Variants in LNPEP observed in about 807,000 individuals in gnomAD.
LNPEP encodes leucyl and cystinyl aminopeptidase, also known as leucyl-cystinyl aminopeptidase.
LNPEP carries 64 observed loss-of-function variants against 120.6 expected under a neutral mutation model. The ratio of observed to expected loss-of-function variants is 0.53; its 90% CI spans 0.43 to 0.65. The LOEUF is 0.65. Among genes scored for constraint, LNPEP ranks in the 30% least tolerant of loss-of-function variants. The probability of loss-of-function intolerance (pLI) is 0.00; values close to 1 mark genes in which losing one functional copy is unlikely to be tolerated. For synonymous variants in LNPEP, 435 were observed against 425.4 expected, an observed-to-expected ratio of 1.02 and a Z score of -0.28; for missense variants, 1,057 against 1,200.0, an observed-to-expected ratio of 0.88 and a Z score of 1.76.
chr5:97,009,105 C>T (rs780873453), intron 11 of LNPEP, among the ~76,000 whole-genome samples: 47 of 152,180 alleles, frequency 3.1e-4, no homozygotes, highest in Non-Finnish European at 6.5e-4. Flanking sequence ...ATCAGCAACT[C>T]AAACATGCCA....
chr5:97,022,340 A>T lies in LNPEP; in HGVS notation c.2417A>T (p.Gln806Leu), dbSNP rs755698265. 1.9e-6 allele frequency: 3 copies of T among 1,612,414 alleles called. No individual in the cohort carries two copies. In the Admixed American group the frequency reaches 5.0e-5, roughly 27 times the overall value. Residue 806 changes from glutamine (Q) to leucine (L), a missense_variant, in exon 14 of 18, where the codon CAA becomes CTA. Gln to Leu is a moderately radical substitution (Grantham distance 113). Transcript: ENST00000231368. Reference sequence around the variant, plus strand: ...TTACTTCAAAACCAAATTCAACAACAAACTTGGACTGATGAGGGCACTCCA... The same window carrying T: ...TTACTTCAAAACCAAATTCAACAACTAACTTGGACTGATGAGGGCACTCCA... ...FKLLQNQIQQ[Q>L]TWTDEGTPSM...
At chr5:96,966,511 TGTGTGTGTG>T (rs1561434380) in intron 1 of LNPEP, among the ~76,000 whole-genome samples, 175 of 13,244 alleles carry the variant, frequency 0.013, no homozygotes, top group African/African-American at 0.022. Flanking sequence ...CATATATTTG[TGTGTGTGTG>T]TGTGTGTGTG....
In LNPEP at chr5:97,013,836, A is replaced by C. The variant is rs764759385; in HGVS notation, c.2219+5A>C. ...CAACATCTTTGAACTTGCAGGGTAG[A>C]GTATACTTAGTTTGAGATTTTTTCT... is the stretch of plus-strand genomic sequence containing the variant. On this transcript the variant is annotated splice_donor_5th_base_variant and intron_variant, in intron 12 of 17. Transcript: ENST00000231368. 3 of 1,566,748 alleles carry C rather than the reference A, an allele frequency of 1.9e-6. No homozygotes were observed. Among genetic ancestry groups the C allele is most frequent in the East Asian group, 4.5e-5 (2 of 44,340 alleles).
At chr5:96,957,952 T>C (rs1184476160) in intron 1 of LNPEP, among the ~76,000 whole-genome samples, 1 of 152,260 alleles carries the variant, frequency 6.6e-6, no homozygotes, top group Non-Finnish European at 1.5e-5. Flanking sequence ...GGATCCTCTT[T>C]TCTGATTCTC....
Position 96,997,995 on chromosome 5 carries a change from T to C in LNPEP, c.1522-19T>C. Reference sequence around the variant, plus strand: ...TTTGATACTACTTGTGATATTCTAATCTTTTCATTTTTTGACAGTATGAAG... The same window carrying C: ...TTTGATACTACTTGTGATATTCTAACCTTTTCATTTTTTGACAGTATGAAG... On this transcript the variant is annotated intron_variant, in intron 7 of 17. Transcript: ENST00000231368. 6.6e-7 allele frequency: 1 copy of C among 1,511,474 alleles called. No homozygotes were observed. Among genetic ancestry groups the C allele is most frequent in the Non-Finnish European group, 9.0e-7 (1 of 1,107,844 alleles). 93.6% of individuals were successfully genotyped at this position (1,511,474 alleles called of 1,614,324 possible).
chr5:97,012,556 C>T lies in LNPEP; in HGVS notation c.2036-1092C>T, dbSNP rs552120981. Among the ~76,000 whole-genome samples the T allele has an allele frequency of 3.3e-5, 5 of 152,150 alleles. No individual in the cohort carries two copies. The East Asian group carries it at 9.6e-4, about 29-fold the overall frequency. On this transcript the variant is annotated intron_variant, in intron 11 of 17. Coordinates refer to ENST00000231368, the MANE Select transcript of LNPEP (RefSeq NM_005575.3). ...TAGGTCATTGTTATAGGGGCTGAGG[C>T]GTTAGCAGTAAGCAAAATAGTAAGC...
chr5:96,986,059 T>A (rs895380439), intron 3 of LNPEP, among the ~76,000 whole-genome samples: 7 of 152,186 alleles, frequency 4.6e-5, no homozygotes, highest in Non-Finnish European at 1.0e-4. Context: ...CAGACTTCTC[T>A]AATGACTTAC....
intron 1 of LNPEP, among the ~76,000 whole-genome samples, chr5:96,939,091 G>T (rs1358432040): frequency 6.6e-6 from 1 of 151,942 alleles, no homozygotes; most frequent in Non-Finnish European, 1.5e-5. Flanking sequence ...TTGCATGCAG[G>T]GTTGGTATAT....
chr5:97,019,487 T>C (rs1791139761), intron 13 of LNPEP, among the ~76,000 whole-genome samples: 1 of 152,216 alleles, frequency 6.6e-6, no homozygotes, highest in African/African-American at 2.4e-5. Flanking sequence ...TTTACTTTAT[T>C]ATGTTATAAT....
At position 96,958,255 on chromosome 5, in the gene LNPEP, A is replaced by G. The variant is rs551735286; in HGVS notation, c.20-20883A>G. ...GAGTGCAAAATTTGTCTAGACTTTC[A>G]ATTTTTTTCCCCAGTCTTTTAGAGT... On this transcript the variant is annotated intron_variant, in intron 1 of 17. Transcript: ENST00000231368. Among the ~76,000 whole-genome samples the G allele has an allele frequency of 3.3e-4, 50 of 152,304 alleles. No homozygotes were observed. The South Asian group carries it at 5.0e-3, about 15-fold the overall frequency.
Position 96,944,560 on chromosome 5 carries a change from C to CTTTTT in LNPEP, c.19+8408_19+8412dup, listed in dbSNP as rs60017687. On this transcript the variant is annotated intron_variant, in intron 1 of 17. Coordinates refer to ENST00000231368, the MANE Select transcript of LNPEP (RefSeq NM_005575.3). The stretch of plus-strand genomic sequence containing the variant: ...TTCTTTTTTGTTTTTCTTATTTTTG[C>CTTTTT]TTTTTTTTTTTTTTTTTTTTTTTTT... Among the ~76,000 whole-genome samples the CTTTTT allele has an allele frequency of 6.6e-4, 37 of 56,356 alleles. 5 individuals are homozygous for CTTTTT. The highest frequency in any genetic ancestry group is 3.6e-3 in the South Asian group (5 of 1,402). The allele number at this position is 56,356 out of a possible 152,430, so 37.0% of individuals were successfully genotyped here.
At chr5:97,026,502 T>C in intron 15 of LNPEP, 115 bp from the exon 16 acceptor site, 1 of 759,746 alleles carries the variant, frequency 1.3e-6, no homozygotes, top group Non-Finnish European at 2.1e-6. Context: ...GCAACAGTTA[T>C]TTCTCAATTT....
intron 1 of LNPEP, among the ~76,000 whole-genome samples, chr5:96,939,810 A>T (rs1312299428): frequency 1.3e-5 from 2 of 151,912 alleles, no homozygotes; most frequent in African/African-American, 4.9e-5. Context: ...ATACAGTATA[A>T]AATTGTGATT....
rs1468936436 is a variant in LNPEP, at chr5:97,030,004, T to C, written c.*1471T>C. The C allele has an allele frequency of 2.6e-5, 4 of 152,156 alleles. No homozygotes were observed. Among genetic ancestry groups the C allele is most frequent in the Non-Finnish European group, 5.9e-5 (4 of 68,012 alleles). The allele number at this position is 152,156 out of a possible 1,614,324, so 9.4% of individuals were successfully genotyped here. ...TGTACATAAAAAGGGTATTTACCCA[T>C]TTGTGAGCACTTAAAACACTCCACA... is the stretch of plus-strand genomic sequence containing the variant. On this transcript the variant is annotated 3_prime_UTR_variant, in exon 18 of 18. Transcript: ENST00000231368.
chr5:96,979,023 A>G (rs1419816389), intron 1 of LNPEP, 115 bp from the exon 2 acceptor site: 14 of 1,157,238 alleles, frequency 1.2e-5, no homozygotes, highest in Non-Finnish European at 1.6e-5. Flanking sequence ...AATAAGTCTT[A>G]GTGACTTAAA....
chr5:97,028,368 C>A, intron 17 of LNPEP, 34 bp from the exon 18 acceptor site: 1 of 1,609,568 alleles, frequency 6.2e-7, no homozygotes, highest in African/African-American at 1.3e-5. Flanking sequence ...TCGTCCTTTT[C>A]TTCTTTTGAA....
rs1045347352 is a variant in LNPEP at position 97,034,363 on chromosome 5, C to T, written c.*5830C>T. The T allele has an allele frequency of 6.6e-6, 1 of 151,698 alleles. No homozygotes were observed. The highest frequency in any genetic ancestry group is 2.4e-5 in the African/African-American group (1 of 41,284). The allele number at this position is 151,698 out of a possible 1,614,324, so 9.4% of individuals were successfully genotyped here. On this transcript the variant is annotated 3_prime_UTR_variant, in exon 18 of 18. Transcript: ENST00000231368. ...CCCCTTCCCTTATTGCCTGTCTTGG[C>T]AATGGCCAGTAGAGTAGTTATTTAA...
rs1158708951 is a variant in LNPEP at position 97,008,660 on chromosome 5, C to CTGTT, written c.2035+2146_2035+2147insGTTT. On this transcript the variant is annotated intron_variant, in intron 11 of 17. Coordinates refer to ENST00000231368, the MANE Select transcript of LNPEP (RefSeq NM_005575.3). ...AGCCACCGCACCTGGCTCCTCTTTA[C>CTGTT]TCTTTTTTTTTTTTTTTTTTTTGAG... Among the ~76,000 whole-genome samples, 281 of 69,744 alleles carry CTGTT rather than the reference C, an allele frequency of 4.0e-3. 2 individuals carry two copies. The highest frequency in any genetic ancestry group is 0.013 in the African/African-American group (270 of 20,032). The allele number at this position is 69,744 out of a possible 152,430, so 45.8% of individuals were successfully genotyped here.
chr5:96,987,892 G>A (rs944552316), intron 4 of LNPEP, among the ~76,000 whole-genome samples: 1 of 152,144 alleles, frequency 6.6e-6, no homozygotes, highest in Non-Finnish European at 1.5e-5. Flanking sequence ...CCTTGATAAA[G>A]CCTAAGAAGC....
Sources: gnomAD v4.1 joint callset for allele counts (sites outside exome capture counted in the v4.1 genomes callset) on GRCh38, gnomAD v4.1.1 for gene constraint, MANE v1.5 for transcripts, NCBI Gene and HGNC (gene_info 2026-07-23, HGNC 2026-07-21) for gene names.